The following ZC2HC1B variants were observed in gnomAD, a reference collection of about 807,000 sequenced individuals.
The protein encoded by ZC2HC1B is zinc finger C2HC domain-containing protein 1B.
Under a neutral mutation model 31.0 loss-of-function variants are expected in ZC2HC1B, and 36 were observed. That is an observed-to-expected ratio of 1.16 (90% CI 0.89 to 1.54). The LOEUF (loss-of-function observed/expected upper bound fraction) is 1.54, where lower values mean the gene tolerates loss of function less well. Among genes scored for constraint, ZC2HC1B ranks in the 40% most tolerant of loss-of-function variants. ZC2HC1B has a pLI of 0.00. For synonymous variants in ZC2HC1B, 73 were observed against 88.0 expected (o/e 0.83, Z 0.95); for missense variants, 260 against 268.6 (o/e 0.97, Z 0.22).
intron 6 of ZC2HC1B, among the ~76,000 whole-genome samples, chr6:143,919,337 G>C (rs184948105): frequency 2.5e-3 from 378 of 151,632 alleles, no homozygotes; most frequent in Non-Finnish European, 4.2e-3. Flanking sequence ...TTTTGAGCTT[G>C]TGCCTTTCTC....
rs1382228722 is a variant in ZC2HC1B at position 143,933,222 on chromosome 6, G to A, written c.599-4427G>A. 6.6e-6 allele frequency among the ~76,000 whole-genome samples: 1 copy of A among 152,190 alleles called. No individual in the cohort carries two copies. Among genetic ancestry groups the A allele is most frequent in the Admixed American group, 6.5e-5 (1 of 15,286 alleles). On this transcript the variant is annotated intron_variant, in intron 6 of 7. Transcript: ENST00000237275. The surrounding 1 kb of genome is among the most constrained non-coding windows in gnomAD (Gnocchi z 6.4). ...AGCTGCTGTTTTTTCCTTCATTAGA[G>A]CAGGGTTGTTCTGTTATGAGTTGCT... is the stretch of plus-strand genomic sequence containing the variant.
intron 5 of ZC2HC1B, among the ~76,000 whole-genome samples, chr6:143,900,605 G>C (rs1433568451): frequency 6.6e-6 from 1 of 152,012 alleles, no homozygotes; most frequent in African/African-American, 2.4e-5. Context: ...TTGAATGAGG[G>C]CCTGGAATAG....
rs1425855692 is a variant in ZC2HC1B, at chr6:143,868,133, G to C, written c.28+3566G>C. Among the ~76,000 whole-genome samples, 1 of 152,120 alleles carries C rather than the reference G, an allele frequency of 6.6e-6. No homozygotes were observed. The highest frequency in any genetic ancestry group is 1.5e-5 in the Non-Finnish European group (1 of 68,032). On this transcript the variant is annotated intron_variant, in intron 1 of 7. Coordinates refer to ENST00000237275, the MANE Select transcript of ZC2HC1B (RefSeq NM_001013623.3). This position sits in a 1 kb window ranked among gnomAD's most constrained non-coding sequence, Gnocchi z 4.2. ...GGAATCTGAAGCCATCCTGATTGCT[G>C]ATCATTTGTATCTGATTTTTCTTTG...
Position 143,922,610 on chromosome 6 carries a change from A to T in ZC2HC1B, c.599-15039A>T, listed in dbSNP as rs550106236. Among the ~76,000 whole-genome samples the T allele has an allele frequency of 6.6e-6, 1 of 152,214 alleles. No homozygotes were observed. The highest frequency in any genetic ancestry group is 2.4e-5 in the African/African-American group (1 of 41,470). On this transcript the variant is annotated intron_variant, in intron 6 of 7. Coordinates refer to ENST00000237275, the MANE Select transcript of ZC2HC1B (RefSeq NM_001013623.3). The surrounding 1 kb of genome is among the most constrained non-coding windows in gnomAD (Gnocchi z 5.0). ...TTCTGTGTCTGGCTTAATTCATTTAACAATAATGACCTCTAGTTCCATACA... is the reference window on the plus strand; with the variant it reads ...TTCTGTGTCTGGCTTAATTCATTTATCAATAATGACCTCTAGTTCCATACA...
At chr6:143,888,927 T>A (rs765274742) in intron 4 of ZC2HC1B, among the ~76,000 whole-genome samples, 7 of 152,054 alleles carry the variant, frequency 4.6e-5, no homozygotes, top group Non-Finnish European at 1.0e-4. Flanking sequence ...TTTCGTACTA[T>A]ATCGAATAGG....
intron 1 of ZC2HC1B, among the ~76,000 whole-genome samples, chr6:143,878,910 A>G (rs140667711): frequency 1.6e-4 from 24 of 152,242 alleles, no homozygotes; most frequent in African/African-American, 5.5e-4. Context: ...CATGCCTTAT[A>G]TTGACTAATG....
chr6:143,869,351 T>C lies in ZC2HC1B; in HGVS notation c.28+4784T>C, dbSNP rs1390077363. On this transcript the variant is annotated intron_variant, in intron 1 of 7. Transcript: ENST00000237275. This position sits in a 1 kb window ranked among gnomAD's most constrained non-coding sequence, Gnocchi z 5.2. ...TCAACGTATTGTCACCTAGTTGTTG[T>C]AATTGTGACTTCAAAAGGCCATCCC... is the stretch of plus-strand genomic sequence containing the variant. Among the ~76,000 whole-genome samples the C allele has an allele frequency of 9.2e-5, 14 of 152,252 alleles. No homozygotes were observed. In the East Asian group the frequency reaches 2.7e-3, roughly 29 times the overall value.
intron 1 of ZC2HC1B, among the ~76,000 whole-genome samples, chr6:143,873,830 G>A (rs765334914): frequency 2.0e-5 from 3 of 152,220 alleles, no homozygotes; most frequent in South Asian, 2.1e-4. Flanking sequence ...ACCTCTGGGC[G>A]TTCGATGGGA....
intron 4 of ZC2HC1B, among the ~76,000 whole-genome samples, chr6:143,892,092 T>C (rs1423323415): frequency 6.6e-6 from 1 of 152,172 alleles, no homozygotes; most frequent in East Asian, 1.9e-4. Context: ...AAGAAATACC[T>C]GAGGCTGGGT....
chr6:143,893,099 C>A (rs1777619845), intron 4 of ZC2HC1B, among the ~76,000 whole-genome samples: 2 of 152,038 alleles, frequency 1.3e-5, no homozygotes, highest in Admixed American at 1.3e-4. Flanking sequence ...GTAAAGAACT[C>A]TTAAAACTCA....
rs1276829910 is a variant in ZC2HC1B at position 143,887,028 on chromosome 6, A to C, written c.349+207A>C. On this transcript the variant is annotated intron_variant, in intron 4 of 7. Transcript: ENST00000237275. The surrounding 1 kb of genome is among the most constrained non-coding windows in gnomAD (Gnocchi z 5.1). ...TGTCTCAACGTGGGAACACCACTGTAGCTGTGCTGTAGTATTACATGACTC... is the reference window on the plus strand; with the variant it reads ...TGTCTCAACGTGGGAACACCACTGTCGCTGTGCTGTAGTATTACATGACTC... Among the ~76,000 whole-genome samples the C allele has an allele frequency of 6.6e-6, 1 of 152,182 alleles. No individual in the cohort carries two copies. The highest frequency in any genetic ancestry group is 1.5e-5 in the Non-Finnish European group (1 of 68,034).
rs1380683302 is a variant in ZC2HC1B at position 143,917,143 on chromosome 6, G to A, written c.598+13991G>A. 2.0e-5 allele frequency among the ~76,000 whole-genome samples: 3 copies of A among 152,176 alleles called. No individual in the cohort carries two copies. Among genetic ancestry groups the A allele is most frequent in the Non-Finnish European group, 4.4e-5 (3 of 68,022 alleles). On this transcript the variant is annotated intron_variant, in intron 6 of 7. Transcript: ENST00000237275. This position sits in a 1 kb window ranked among gnomAD's most constrained non-coding sequence, Gnocchi z 4.1. Reference sequence around the variant, plus strand: ...TCTCGTGATAGTGAGTAAGTCTCATGAGATCTGACGACTTTAAAAAGAGGA... The same window carrying A: ...TCTCGTGATAGTGAGTAAGTCTCATAAGATCTGACGACTTTAAAAAGAGGA...
chr6:143,904,439 G>T (rs1225641119), intron 6 of ZC2HC1B, among the ~76,000 whole-genome samples: 1 of 152,132 alleles, frequency 6.6e-6, no homozygotes, highest in Non-Finnish European at 1.5e-5. Context: ...ATAGCTCACT[G>T]CAGCTTCAAC....
chr6:143,925,165 CTTT>C (rs71024879), intron 6 of ZC2HC1B, among the ~76,000 whole-genome samples: 191 of 104,050 alleles, frequency 1.8e-3, no homozygotes, highest in African/African-American at 6.8e-3. Flanking sequence ...AATCTCATTC[CTTT>C]TTTTTTTTTT....
Position 143,934,789 on chromosome 6 carries a change from A to C in ZC2HC1B, c.599-2860A>C, listed in dbSNP as rs1582981266. On this transcript the variant is annotated intron_variant, in intron 6 of 7. Coordinates refer to ENST00000237275, the MANE Select transcript of ZC2HC1B (RefSeq NM_001013623.3). This position sits in a 1 kb window ranked among gnomAD's most constrained non-coding sequence, Gnocchi z 4.6. ...AAGCTGTGGTGAGGCTTTGCTGGGGATGGGGACACAAGGTGAGCTGGTCTT... is the reference window on the plus strand; with the variant it reads ...AAGCTGTGGTGAGGCTTTGCTGGGGCTGGGGACACAAGGTGAGCTGGTCTT... Among the ~76,000 whole-genome samples the C allele has an allele frequency of 2.0e-5, 3 of 152,108 alleles. No homozygotes were observed. The highest frequency in any genetic ancestry group is 4.1e-4 in the South Asian group (2 of 4,826).
intron 4 of ZC2HC1B, among the ~76,000 whole-genome samples, chr6:143,897,179 A>G (rs1006616915): frequency 2.6e-5 from 4 of 152,036 alleles, no homozygotes; most frequent in African/African-American, 7.3e-5. Flanking sequence ...ACTACATGAA[A>G]TACCCATCCA....
chr6:143,926,577 T>C lies in ZC2HC1B; in HGVS notation c.599-11072T>C, dbSNP rs75426111. Reference sequence around the variant, plus strand: ...GTTCCATGTGTTGATGAGAAGAATGTATATTCTGTTGCTATTGGATAAAAT... The same window carrying C: ...GTTCCATGTGTTGATGAGAAGAATGCATATTCTGTTGCTATTGGATAAAAT... On this transcript the variant is annotated intron_variant, in intron 6 of 7. Transcript: ENST00000237275. Among the ~76,000 whole-genome samples the C allele has an allele frequency of 7.3e-3, 1,104 of 152,218 alleles. 14 individuals are homozygous for C. Among genetic ancestry groups the C allele is most frequent in the African/African-American group, 0.026 (1,065 of 41,544 alleles).
rs1267141642 is a variant in ZC2HC1B, at chr6:143,884,710, G to T, written c.90+345G>T. Among the ~76,000 whole-genome samples the T allele has an allele frequency of 6.6e-5, 10 of 152,284 alleles. No individual in the cohort carries two copies. On this transcript the variant is annotated intron_variant, in intron 2 of 7. Coordinates refer to ENST00000237275, the MANE Select transcript of ZC2HC1B (RefSeq NM_001013623.3). This position sits in a 1 kb window ranked among gnomAD's most constrained non-coding sequence, Gnocchi z 5.1. ...AGCACCAGGGAAATTAGCTAGTCAA[G>T]AGGAATGAGCATTGAATTTTAGACA...
chr6:143,930,114 A>G (rs1208667654), intron 6 of ZC2HC1B, among the ~76,000 whole-genome samples: 1 of 149,542 alleles, frequency 6.7e-6, no homozygotes, highest in Non-Finnish European at 1.5e-5. Context: ...GAGCTTTGTC[A>G]TTTCTTTTCT....
Sources: gnomAD v4.1 joint callset for allele counts (sites outside exome capture counted in the v4.1 genomes callset) on GRCh38, gnomAD v4.1.1 for gene constraint, Gnocchi (gnomAD v3.1) non-coding constraint, MANE v1.5 for transcripts, NCBI Gene and HGNC (gene_info 2026-07-23, HGNC 2026-07-21) for gene names.